TNR: variants seen among roughly 807,000 people sequenced by gnomAD.
The protein encoded by TNR is tenascin R, also known as tenascin-R.
In TNR, 45 loss-of-function variants were observed where a neutral mutation model predicts 150.4. The ratio of observed to expected loss-of-function variants is 0.30; its 90% CI spans 0.24 to 0.38. TNR has a LOEUF of 0.38. Ranked by LOEUF, TNR falls within the 10% of genes least tolerant of loss-of-function variation. TNR has a pLI of 1.00. For synonymous variants in TNR, 687 were observed against 678.4 expected (o/e 1.01, Z -0.20); for missense variants, 1,544 against 1,759.1 (o/e 0.88, Z 2.19).
intron 1 of TNR, among the ~76,000 whole-genome samples, chr1:175,723,947 T>C (rs1424566519): frequency 6.6e-6 from 1 of 152,134 alleles, no homozygotes; most frequent in Non-Finnish European, 1.5e-5. Flanking sequence ...AAAGTATATG[T>C]TTATACAGAA....
chr1:175,577,482 C>T (rs1261826215), intron 1 of TNR, among the ~76,000 whole-genome samples: 1 of 152,152 alleles, frequency 6.6e-6, no homozygotes, highest in Non-Finnish European at 1.5e-5. Flanking sequence ...CATGATTTAT[C>T]TGAGGCCACA....
chr1:175,414,854 C>A (rs533077095), intron 2 of TNR, among the ~76,000 whole-genome samples: 2 of 152,104 alleles, frequency 1.3e-5, no homozygotes, highest in Admixed American at 6.5e-5. Flanking sequence ...TATCCACATG[C>A]CTTTGAGCTT....
At position 175,359,731 on chromosome 1, in the gene TNR, G is replaced by A; in HGVS notation, c.2855C>T (p.Ala952Val). Residue 952 changes from alanine (A) to valine (V), a missense_variant and splice_region_variant, in exon 15 of 23, where the codon GCC becomes GTC. Around this residue, in one of 2 missense-constraint regions of TNR, gnomAD observed 1,254 missense variants for 1,329.4 expected, o/e 0.94. Transcript: ENST00000367674. ...AATCAGATCCACAGGGTTGTCCATG[G>A]CTGAAACAGAATAGATTATCAGTTA... ...SERICTLVHT[A>V]MDNPVDLIAT... The A allele has an allele frequency of 6.2e-7, 1 of 1,608,750 alleles. No individual in the cohort carries two copies. The highest frequency in any genetic ancestry group is 1.1e-5 in the South Asian group (1 of 89,914).
rs796945836 is a variant in TNR at position 175,547,655 on chromosome 1, G to GAAGA, written c.-164-19290_-164-19287dup. 3.2e-3 allele frequency among the ~76,000 whole-genome samples: 458 copies of GAAGA among 144,368 alleles called. 3 individuals carry two copies. Among genetic ancestry groups the GAAGA allele is most frequent in the African/African-American group, 0.012 (433 of 37,110 alleles). The allele number at this position is 144,368 out of a possible 152,430, so 94.7% of individuals were successfully genotyped here. On this transcript the variant is annotated intron_variant, in intron 1 of 22. Coordinates refer to ENST00000367674, the MANE Select transcript of TNR (RefSeq NM_003285.3). The stretch of plus-strand genomic sequence containing the variant: ...AAAGAAAGAGAAAGAAAGAAAGGAA[G>GAAGA]AAGAAAGAAAGAAAGAAAGAGAGAG...
chr1:175,566,409 G>A (rs1171236813), intron 1 of TNR, among the ~76,000 whole-genome samples: 5 of 152,226 alleles, frequency 3.3e-5, no homozygotes, highest in African/African-American at 4.8e-5. Flanking sequence ...CGGTGTTTGA[G>A]AGTCTCTGGC....
At position 175,380,275 on chromosome 1, in the gene TNR, C is replaced by T. The variant is rs369900762; in HGVS notation, c.1778-538G>A. 3.9e-5 allele frequency among the ~76,000 whole-genome samples: 6 copies of T among 152,256 alleles called. No individual in the cohort carries two copies. In the East Asian group the frequency reaches 5.8e-4, roughly 15 times the overall value. On this transcript the variant is annotated intron_variant, in intron 8 of 22. Transcript: ENST00000367674. ...AATATAGGCTTTGGAGTCAGGCTTCCGTTTGATCCCCAGCTCTGACATCTT... is the reference window on the plus strand; with the variant it reads ...AATATAGGCTTTGGAGTCAGGCTTCTGTTTGATCCCCAGCTCTGACATCTT...
intron 1 of TNR, among the ~76,000 whole-genome samples, chr1:175,708,501 TTCCAC>T (rs1465276142): frequency 1.3e-5 from 2 of 152,206 alleles, no homozygotes; most frequent in Admixed American, 6.5e-5. Context: ...CTTTATGATT[TTCCAC>T]ACACTTTTGG....
chr1:175,479,661 T>G (rs1211735288), intron 2 of TNR, among the ~76,000 whole-genome samples: 3 of 152,130 alleles, frequency 2.0e-5, no homozygotes, highest in Non-Finnish European at 4.4e-5. Context: ...GACGTCAAGC[T>G]AAAATAACAG....
intron 1 of TNR, among the ~76,000 whole-genome samples, chr1:175,680,325 GAGAC>G (rs1665991136): frequency 6.6e-6 from 1 of 152,132 alleles, no homozygotes; most frequent in Non-Finnish European, 1.5e-5. Context: ...TGGGCAGGCA[GAGAC>G]AGACAGAGAT....
intron 1 of TNR, among the ~76,000 whole-genome samples, chr1:175,581,244 C>T (rs1571634890): frequency 2.0e-5 from 3 of 152,194 alleles, no homozygotes; most frequent in Admixed American, 2.0e-4. Flanking sequence ...GTGTCTTTTC[C>T]TCCAGAGCAG....
At chr1:175,428,154 A>G (rs903123050) in intron 2 of TNR, among the ~76,000 whole-genome samples, 2 of 152,230 alleles carry the variant, frequency 1.3e-5, no homozygotes, top group East Asian at 3.8e-4. Flanking sequence ...GCTATTATGT[A>G]TCAACAGTAA....
At chr1:175,339,438 C>A (rs921946062) in intron 18 of TNR, among the ~76,000 whole-genome samples, 1 of 152,196 alleles carries the variant, frequency 6.6e-6, no homozygotes, top group African/African-American at 2.4e-5. Flanking sequence ...TAGAACTCTT[C>A]ATAGTTCCTG....
chr1:175,633,065 CT>C (rs1206561107), intron 1 of TNR, among the ~76,000 whole-genome samples: 1 of 152,194 alleles, frequency 6.6e-6, no homozygotes, highest in African/African-American at 2.4e-5. Context: ...TACCCACCCC[CT>C]CTTCCCTGCT....
At chr1:175,721,821 A>G (rs538497300) in intron 1 of TNR, among the ~76,000 whole-genome samples, 44 of 150,996 alleles carry the variant, frequency 2.9e-4, no homozygotes, top group South Asian at 6.4e-4. Context: ...CTCTCCCCCA[A>G]TTCTCAGATC....
At chr1:175,709,123 A>G (rs1666922951) in intron 1 of TNR, among the ~76,000 whole-genome samples, 1 of 151,952 alleles carries the variant, frequency 6.6e-6, no homozygotes, top group Admixed American at 6.6e-5. Flanking sequence ...GTTGCCTTCT[A>G]TTTGTTCAGT....
rs186585078 is a variant in TNR at position 175,546,902 on chromosome 1, C to T, written c.-164-18533G>A. Among the ~76,000 whole-genome samples the T allele has an allele frequency of 5.0e-3, 767 of 152,274 alleles. 4 individuals carry two copies. The highest frequency in any genetic ancestry group is 0.017 in the African/African-American group (714 of 41,564). On this transcript the variant is annotated intron_variant, in intron 1 of 22. Coordinates refer to ENST00000367674, the MANE Select transcript of TNR (RefSeq NM_003285.3). ...GGGCACAGGCTCACCTCAAGTTGAC[C>T]AGAGTCAATTTTTTCCCAGATAAGG...
chr1:175,650,277 G>A (rs1664920158), intron 1 of TNR, among the ~76,000 whole-genome samples: 1 of 152,070 alleles, frequency 6.6e-6, no homozygotes, highest in Non-Finnish European at 1.5e-5. Flanking sequence ...CAGCTACTTG[G>A]GAGGCTGAGG....
intron 1 of TNR, among the ~76,000 whole-genome samples, chr1:175,657,988 G>A (rs184818309): frequency 1.2e-3 from 180 of 150,524 alleles, no homozygotes; most frequent in Non-Finnish European, 2.0e-3. Context: ...ACAAGCAAGA[G>A]CAACCCCCCT....
chr1:175,396,455 G>T, intron 5 of TNR, 89 bp downstream of exon 5: 2 of 1,481,076 alleles, frequency 1.4e-6, no homozygotes, highest in Non-Finnish European at 1.8e-6. Context: ...CATCCCTGAA[G>T]AACTAAGAAA....
Sources: gnomAD v4.1 joint callset for allele counts (sites outside exome capture counted in the v4.1 genomes callset) on GRCh38, gnomAD v4.1.1 for gene constraint, gnomAD v4.1.1 regional missense constraint, MANE v1.5 for transcripts, NCBI Gene and HGNC (gene_info 2026-07-23, HGNC 2026-07-21) for gene names.